Variants in ATL2 observed in about 807,000 individuals in gnomAD.
ATL2 encodes atlastin-2.
A neutral mutation model predicts 73.9 loss-of-function variants in ATL2; 31 were observed. That is an observed-to-expected ratio of 0.42 (90% confidence interval 0.32 to 0.57). The LOEUF (loss-of-function observed/expected upper bound fraction) is 0.57, where lower values mean the gene tolerates loss of function less well. Ranked by LOEUF, ATL2 falls within the 20% of genes least tolerant of loss-of-function variation. The probability of loss-of-function intolerance (pLI) is 0.14; values close to 1 mark genes in which losing one functional copy is unlikely to be tolerated. For synonymous variants in ATL2, 291 were observed against 237.5 expected (o/e 1.23, Z -2.07); for missense variants, 738 against 702.6 (o/e 1.05, Z -0.57).
Position 38,343,502 on chromosome 2 carries a change from A to G in ATL2, c.129T>C (p.Tyr43=). The change falls in exon 2 of 13, where the codon TAT becomes TAC. Residue 43 remains tyrosine, a synonymous_variant. Coordinates refer to ENST00000378954, the MANE Select transcript of ATL2 (RefSeq NM_001135673.4). The part of the protein sequence containing the change: ...VSSTTSLGEN[Y]EDDDLVNSDE... ...CAGAATTTACTAGGTCATCATCTTC[A>G]TAATTCTCACCTAGAATTTAAAAAG... 2 of 1,603,776 alleles carry G rather than the reference A, an allele frequency of 1.2e-6. No homozygotes were observed. Among genetic ancestry groups the G allele is most frequent in the South Asian group, 1.1e-5 (1 of 89,622 alleles).
intron 1 of ATL2, among the ~76,000 whole-genome samples, chr2:38,368,029 G>C (rs1278309213): frequency 6.6e-6 from 1 of 151,182 alleles, no homozygotes; most frequent in African/African-American, 2.4e-5. Context: ...CCACCTTCCG[G>C]GTTCACACCA....
At chr2:38,309,841 T>C (rs1381895700) in intron 8 of ATL2, among the ~76,000 whole-genome samples, 1 of 152,164 alleles carries the variant, frequency 6.6e-6, no homozygotes, top group Non-Finnish European at 1.5e-5. Context: ...TTCATAAAAT[T>C]GTATTAAATT....
chr2:38,309,516 A>C lies in ATL2; in HGVS notation c.944-10T>G. On this transcript the variant is annotated splice_polypyrimidine_tract_variant and intron_variant, in intron 8 of 12. Transcript: ENST00000378954. ...AAGTCTTCATCAATATCTAGAAAACAAAAAATTGAGCAACATATTAGTCCA... is the reference window on the plus strand; with the variant it reads ...AAGTCTTCATCAATATCTAGAAAACCAAAAATTGAGCAACATATTAGTCCA... 6.2e-7 allele frequency: 1 copy of C among 1,605,758 alleles called. No individual in the cohort carries two copies. Among genetic ancestry groups the C allele is most frequent in the Non-Finnish European group, 8.5e-7 (1 of 1,178,204 alleles).
chr2:38,337,812 T>A (rs1185232695), intron 2 of ATL2, among the ~76,000 whole-genome samples: 3 of 152,040 alleles, frequency 2.0e-5, no homozygotes, highest in African/African-American at 4.8e-5. Flanking sequence ...AAATTCTTCA[T>A]AATAAAGTTT....
chr2:38,354,052 CGT>C, intron 1 of ATL2: 1 of 299,724 alleles, frequency 3.3e-6, no homozygotes, highest in Non-Finnish European at 6.6e-6. Flanking sequence ...AATTAGCCGG[CGT>C]GGTGGCACGC....
intron 1 of ATL2, among the ~76,000 whole-genome samples, chr2:38,363,057 C>T (rs943524733): frequency 1.3e-5 from 2 of 152,114 alleles, no homozygotes; most frequent in Non-Finnish European, 2.9e-5. Flanking sequence ...GACTATGTGC[C>T]TATTATCTCT....
At chr2:38,343,213 G>A (rs986042190) in intron 2 of ATL2, 55 bp downstream of exon 2, 29 of 1,383,952 alleles carry the variant, frequency 2.1e-5, no homozygotes, top group Non-Finnish European at 2.8e-5. Context: ...TTTTTTAACA[G>A]GCATGGTTGG....
At chr2:38,362,939 G>T (rs879036625) in intron 1 of ATL2, among the ~76,000 whole-genome samples, 1 of 152,210 alleles carries the variant, frequency 6.6e-6, no homozygotes, top group Non-Finnish European at 1.5e-5. Context: ...TGGAGGAAAA[G>T]AGGAAAACAT....
At chr2:38,331,115 G>A (rs953354119) in intron 2 of ATL2, among the ~76,000 whole-genome samples, 8 of 151,768 alleles carry the variant, frequency 5.3e-5, no homozygotes, top group East Asian at 3.9e-4. Flanking sequence ...TGGGCAACAC[G>A]GTGAAACCCT....
chr2:38,318,654 G>A lies in ATL2; in HGVS notation c.499-15C>T, dbSNP rs1668157586. 2 of 1,561,672 alleles carry A rather than the reference G, an allele frequency of 1.3e-6. No homozygotes were observed. The highest frequency in any genetic ancestry group is 1.7e-6 in the Non-Finnish European group (2 of 1,157,014). ...AGCACAGCAACCTAGGAATTTGAGA[G>A]TTTAAAATATTTAGTAAAACAGTTG... On this transcript the variant is annotated splice_polypyrimidine_tract_variant and intron_variant, in intron 3 of 12. Transcript: ENST00000378954.
intron 2 of ATL2, among the ~76,000 whole-genome samples, chr2:38,321,128 G>A (rs970429947): frequency 4.6e-5 from 7 of 152,096 alleles, no homozygotes; most frequent in Non-Finnish European, 5.9e-5. Context: ...AGCTGAGATC[G>A]CACCACTGCG....
intron 2 of ATL2, among the ~76,000 whole-genome samples, chr2:38,326,911 C>T (rs569885266): frequency 3.3e-5 from 5 of 152,004 alleles, no homozygotes; most frequent in Non-Finnish European, 7.4e-5. Context: ...TCACTTGAAC[C>T]CAGAAGGCAG....
At chr2:38,313,346 T>C in intron 6 of ATL2, 103 bp from the exon 7 acceptor site, 1 of 791,014 alleles carries the variant, frequency 1.3e-6, no homozygotes, top group East Asian at 2.7e-5. Context: ...TCCTAAACAA[T>C]CCTTATCAAA....
At chr2:38,375,981 T>A in intron 1 of ATL2, 1 of 1,101,686 alleles carries the variant, frequency 9.1e-7, no homozygotes, top group South Asian at 3.2e-5. Context: ...TTAAAGTGAG[T>A]CCTTGTGGTT....
upstream of ATL2, among the ~76,000 whole-genome samples, chr2:38,377,758 C>A (rs373160480): frequency 6.6e-6 from 1 of 150,528 alleles, no homozygotes; most frequent in East Asian, 2.0e-4. Context: ...CACAGCCATT[C>A]CCCTCCTCTC....
chr2:38,343,180 ATAT>A, intron 2 of ATL2, 85 bp downstream of exon 2: 1 of 369,420 alleles, frequency 2.7e-6, no homozygotes, highest in Non-Finnish European at 4.7e-6. Flanking sequence ...AAAAAAAAAG[ATAT>A]AGTTCTGGTT....
intron 1 of ATL2, among the ~76,000 whole-genome samples, chr2:38,356,372 A>T (rs1218233558): frequency 6.6e-6 from 1 of 151,474 alleles, no homozygotes; most frequent in Non-Finnish European, 1.5e-5. Context: ...AATTTTTTGT[A>T]GAGATAGGGT....
At chr2:38,339,526 T>C (rs1232702466) in intron 2 of ATL2, among the ~76,000 whole-genome samples, 1 of 152,004 alleles carries the variant, frequency 6.6e-6, no homozygotes, top group African/African-American at 2.4e-5. Flanking sequence ...AAAAATGTGT[T>C]TGAAAACTTA....
intron 2 of ATL2, 124 bp downstream of exon 2, chr2:38,343,144 T>G: frequency 1.2e-6 from 1 of 822,284 alleles, no homozygotes; most frequent in Non-Finnish European, 1.6e-6. Flanking sequence ...TGAGACCACT[T>G]AAATTAAAAA....
Sources: gnomAD v4.1 joint callset for allele counts (sites outside exome capture counted in the v4.1 genomes callset) on GRCh38, gnomAD v4.1.1 for gene constraint, MANE v1.5 for transcripts, NCBI Gene and HGNC (gene_info 2026-07-23, HGNC 2026-07-21) for gene names.